Variants in KIAA0825 observed in about 807,000 individuals in gnomAD.
KIAA0825 encodes uncharacterized protein KIAA0825.
KIAA0825 carries 119 observed loss-of-function variants against 147.6 expected under a neutral mutation model. The observed-to-expected ratio is 0.81, with a 90% CI of 0.69 to 0.94. The LOEUF (loss-of-function observed/expected upper bound fraction) is 0.94. KIAA0825 is among the 40% of genes least tolerant of loss of function. The pLI is 0.00. For missense variants in KIAA0825, 1,381 were observed against 1,472.7 expected, an observed-to-expected ratio of 0.94 and a Z score of 1.02; for synonymous variants, 470 against 518.1, an observed-to-expected ratio of 0.91 and a Z score of 1.26.
At chr5:94,351,331 A>AC (rs1372924174) in intron 20 of KIAA0825, among the ~76,000 whole-genome samples, 3 of 151,866 alleles carry the variant, frequency 2.0e-5, no homozygotes, top group Admixed American at 2.0e-4. Context: ...AATAGCTGAA[A>AC]AAACAACAAC....
chr5:94,532,535 C>T (rs1771010426), intron 3 of KIAA0825, among the ~76,000 whole-genome samples: 1 of 151,398 alleles, frequency 6.6e-6, no homozygotes, highest in Admixed American at 6.6e-5. Flanking sequence ...CCTCATTTCC[C>T]TTTCCCTTTC....
In KIAA0825 at chr5:94,372,318, C is replaced by T. The variant is rs540259517; in HGVS notation, c.3710+12050G>A. On this transcript the variant is annotated intron_variant, in intron 20 of 20. Transcript: ENST00000682413. ...GCTAGGCAGTGCCCCAGTGGGGGCT[C>T]CAACCCCACATTTCCCTTCTGTACT... 3.3e-5 allele frequency among the ~76,000 whole-genome samples: 5 copies of T among 152,368 alleles called. No homozygotes were observed. In the East Asian group the frequency reaches 7.7e-4, roughly 23 times the overall value.
At chr5:94,434,435 G>A (rs145730646) in intron 14 of KIAA0825, among the ~76,000 whole-genome samples, 2,280 of 152,236 alleles carry the variant, frequency 0.015, 17 homozygotes, top group Non-Finnish European at 0.018. Context: ...AGGCTCTGTC[G>A]ATTCTTTTGA....
At chr5:94,532,808 T>C (rs1771092115) in intron 3 of KIAA0825, among the ~76,000 whole-genome samples, 1 of 150,102 alleles carries the variant, frequency 6.7e-6, no homozygotes, top group African/African-American at 2.4e-5. Flanking sequence ...GTATTGAGAT[T>C]ACATCTTTCT....
intron 20 of KIAA0825, among the ~76,000 whole-genome samples, chr5:94,239,222 T>C (rs996771595): frequency 2.0e-5 from 3 of 152,160 alleles, no homozygotes; most frequent in Non-Finnish European, 4.4e-5. Flanking sequence ...GACAGCACTA[T>C]AGTAACCCCG....
intron 2 of KIAA0825, among the ~76,000 whole-genome samples, chr5:94,572,684 T>A (rs1482268160): frequency 6.6e-6 from 1 of 152,184 alleles, no homozygotes; most frequent in Non-Finnish European, 1.5e-5. Context: ...TACAGCATAA[T>A]ACAGGATATT....
chr5:94,338,493 C>T (rs1014699620), intron 20 of KIAA0825, among the ~76,000 whole-genome samples: 2 of 152,016 alleles, frequency 1.3e-5, no homozygotes, highest in Non-Finnish European at 2.9e-5. Context: ...AATGGTATTT[C>T]AGTCAATAAT....
chr5:94,427,844 AGAACCTGGGTGCTTGTTTTGTGTTTTGT>A (rs946371774), intron 14 of KIAA0825, among the ~76,000 whole-genome samples: 1 of 152,144 alleles, frequency 6.6e-6, no homozygotes, highest in African/African-American at 2.4e-5. Context: ...AGCTTGTTTT[AGAACCTGGGTGCTTGTTTTGTGTTTTGT>A]GAACCTGGGT....
intron 5 of KIAA0825, among the ~76,000 whole-genome samples, chr5:94,509,749 C>T (rs1454028277): frequency 6.6e-6 from 1 of 152,180 alleles, no homozygotes; most frequent in African/African-American, 2.4e-5. Context: ...TTACATTTAA[C>T]TATTAAATCT....
At chr5:94,183,482 T>C (rs1769852420) in intron 20 of KIAA0825, among the ~76,000 whole-genome samples, 1 of 152,168 alleles carries the variant, frequency 6.6e-6, no homozygotes, top group Admixed American at 6.5e-5. Flanking sequence ...ATGAGATGAC[T>C]ACTGGCTGGG....
intron 7 of KIAA0825, among the ~76,000 whole-genome samples, chr5:94,476,543 C>CAG (rs886675071): frequency 2.6e-5 from 4 of 152,102 alleles, no homozygotes; most frequent in African/African-American, 7.2e-5. Context: ...TTCCTTAAGA[C>CAG]AGAGAGAGGA....
intron 20 of KIAA0825, among the ~76,000 whole-genome samples, chr5:94,273,668 C>T (rs1777090086): frequency 6.6e-6 from 1 of 151,996 alleles, no homozygotes; most frequent in South Asian, 2.1e-4. Context: ...CAGCGAATTT[C>T]TTAAAGGTGA....
intron 19 of KIAA0825, 67 bp downstream of exon 19, chr5:94,386,171 CACAA>C: frequency 7.0e-7 from 1 of 1,418,888 alleles, no homozygotes; most frequent in Non-Finnish European, 9.5e-7. Context: ...AATACTCAAA[CACAA>C]AGCAATTTTT....
Position 94,396,264 on chromosome 5 carries a change from T to A in KIAA0825, c.3133A>T (p.Lys1045Ter). 1 of 1,551,592 alleles carries A rather than the reference T, an allele frequency of 6.4e-7. No individual in the cohort carries two copies. Among genetic ancestry groups the A allele is most frequent in the Non-Finnish European group, 8.7e-7 (1 of 1,146,914 alleles). ...LTGASLDRWS[K>*]EKLGLICMCL... ...ATACAAATTAAACCCAATTTTTCTT[T>A]ACTCCATCTGTCAAGAGAGGCACCT... is the stretch of plus-strand genomic sequence containing the variant. Residue 1045 changes from lysine (K) to a stop codon, truncating the protein, a stop_gained, in exon 17 of 21, where the codon AAA becomes TAA. Coordinates refer to ENST00000682413, the MANE Select transcript of KIAA0825 (RefSeq NM_001145678.3). LOFTEE classifies it high-confidence loss of function.
At chr5:94,158,994 G>T (rs531419051) in intron 20 of KIAA0825, among the ~76,000 whole-genome samples, 1 of 152,306 alleles carries the variant, frequency 6.6e-6, no homozygotes, top group South Asian at 2.1e-4. Context: ...ACAAATAGGG[G>T]ATAATTGTCC....
intron 5 of KIAA0825, among the ~76,000 whole-genome samples, chr5:94,498,733 T>A (rs1764677116): frequency 6.6e-6 from 1 of 152,202 alleles, no homozygotes; most frequent in Non-Finnish European, 1.5e-5. Context: ...AGTCACAGTT[T>A]TCTCCACTAT....
At chr5:94,439,741 T>C (rs1756838105) in intron 14 of KIAA0825, among the ~76,000 whole-genome samples, 1 of 152,206 alleles carries the variant, frequency 6.6e-6, no homozygotes, top group Non-Finnish European at 1.5e-5. Context: ...ATAATGGTAG[T>C]TGTGATAGAA....
At chr5:94,485,827 C>G in intron 5 of KIAA0825, among the ~76,000 whole-genome samples, 1 of 151,360 alleles carries the variant, frequency 6.6e-6, no homozygotes, top group Non-Finnish European at 1.5e-5. Context: ...TTAAAAAAAG[C>G]AAATTAAGGT....
chr5:94,353,019 T>C (rs1783863162), intron 20 of KIAA0825, among the ~76,000 whole-genome samples: 1 of 152,062 alleles, frequency 6.6e-6, no homozygotes, highest in Admixed American at 6.6e-5. Context: ...CACAAATCAC[T>C]GCTAAAGAAC....
Sources: allele counts gnomAD v4.1 joint callset (sites outside exome capture counted in the v4.1 genomes callset), GRCh38; gene constraint gnomAD v4.1.1; transcripts MANE v1.5; gene names NCBI Gene and HGNC (gene_info 2026-07-23, HGNC 2026-07-21).